The following SVIL variants were observed in gnomAD, a reference collection of about 807,000 sequenced individuals.
SVIL encodes supervillin.
A neutral mutation model predicts 240.4 loss-of-function variants in SVIL; 101 were observed. The ratio of observed to expected loss-of-function variants is 0.42; its 90% CI spans 0.36 to 0.50. The LOEUF (loss-of-function observed/expected upper bound fraction) is 0.50, where lower values mean the gene tolerates loss of function less well. SVIL is among the 20% of genes least tolerant of loss of function. The pLI is 0.01. For synonymous variants in SVIL, 999 were observed against 1,100.0 expected, an observed-to-expected ratio of 0.91 and a Z score of 1.82; for missense variants, 2,512 against 2,818.7, an observed-to-expected ratio of 0.89 and a Z score of 2.46.
At chr10:29,699,184 C>T (rs1188308704) in intron 1 of SVIL, among the ~76,000 whole-genome samples, 1 of 152,116 alleles carries the variant, frequency 6.6e-6, no homozygotes, top group East Asian at 1.9e-4. Flanking sequence ...GGCTAGAATG[C>T]AGTGTGTGAT....
chr10:29,483,315 C>A lies in SVIL; in HGVS notation c.4955+1341G>T, dbSNP rs145656684. On this transcript the variant is annotated intron_variant, in intron 27 of 37. Transcript: ENST00000355867. ...CCAGGAGCCAGGGGTTTCTCTACCC[C>A]CTTCCCTGACTTACAGCTGGAACTG... 2.0e-5 allele frequency: 3 copies of A among 152,162 alleles called. No individual in the cohort carries two copies. The South Asian group carries it at 6.2e-4, about 32-fold the overall frequency. 9.4% of individuals were successfully genotyped at this position (152,162 alleles called of 1,614,324 possible).
intron 27 of SVIL, among the ~76,000 whole-genome samples, chr10:29,482,678 T>C (rs1037106427): frequency 2.0e-5 from 3 of 152,248 alleles, no homozygotes; most frequent in African/African-American, 7.2e-5. Context: ...GAAAACGGCA[T>C]AGCTCCACCC....
intron 1 of SVIL, among the ~76,000 whole-genome samples, chr10:29,579,503 G>C (rs1472687264): frequency 6.6e-6 from 1 of 152,162 alleles, no homozygotes; most frequent in Admixed American, 6.6e-5. Flanking sequence ...GATTCCTGCA[G>C]TCCAACTATT....
intron 1 of SVIL, among the ~76,000 whole-genome samples, chr10:29,587,891 C>T (rs116562440): frequency 0.019 from 2,893 of 152,172 alleles, 79 homozygotes; most frequent in African/African-American, 0.066. Flanking sequence ...GCTAAGGAGG[C>T]GGAGTTGTTG....
chr10:29,479,114 T>A (rs1946544111), intron 29 of SVIL, among the ~76,000 whole-genome samples: 1 of 152,016 alleles, frequency 6.6e-6, no homozygotes, highest in African/African-American at 2.4e-5. Context: ...CAACCTCAAG[T>A]CGCCTTGCTG....
intron 35 of SVIL, among the ~76,000 whole-genome samples, chr10:29,463,267 A>G (rs560690036): frequency 2.6e-5 from 4 of 152,222 alleles, no homozygotes; most frequent in East Asian, 1.9e-4. Context: ...TATCAGAGAG[A>G]AAAACTAGTT....
intron 13 of SVIL, among the ~76,000 whole-genome samples, chr10:29,526,299 C>CTT (rs1950902465): frequency 7.3e-6 from 1 of 136,778 alleles, no homozygotes; most frequent in Non-Finnish European, 1.6e-5. Flanking sequence ...TTCTTTTTTT[C>CTT]TCTTTCTTTT....
intron 29 of SVIL, among the ~76,000 whole-genome samples, chr10:29,477,170 C>T (rs1185699603): frequency 6.6e-6 from 1 of 152,192 alleles, no homozygotes; most frequent in Non-Finnish European, 1.5e-5. Context: ...GCCAGCTATT[C>T]TCTTTACAAC....
At chr10:29,491,461 C>T (rs1023488942) in intron 21 of SVIL, among the ~76,000 whole-genome samples, 2 of 152,204 alleles carry the variant, frequency 1.3e-5, no homozygotes, top group African/African-American at 4.8e-5. Flanking sequence ...TAATCCTCTT[C>T]GCTCGGCCTA....
chr10:29,676,478 C>T (rs1379549229), intron 2 of SVIL, among the ~76,000 whole-genome samples: 1 of 152,172 alleles, frequency 6.6e-6, no homozygotes, highest in Non-Finnish European at 1.5e-5. Flanking sequence ...CAGCTTACCC[C>T]CAATGCAGAG....
In SVIL at chr10:29,488,720, G is replaced by A. The variant is rs750828170; in HGVS notation, c.4229C>T (p.Ala1410Val). ...SNSNFSEVTLAGLASKENFSN... is the reference protein window; with the variant it reads ...SNSNFSEVTLVGLASKENFSN... Reference sequence around the variant, plus strand: ...GAAGTTTTCTTTACTGGCTAAACCCGCCAGGGTGACTTCTGAGAAGTTGGA... The same window carrying A: ...GAAGTTTTCTTTACTGGCTAAACCCACCAGGGTGACTTCTGAGAAGTTGGA... Residue 1410 changes from alanine (A) to valine (V), a missense_variant, in exon 23 of 38, where the codon GCG becomes GTG. Ala to Val is a moderately conservative substitution (Grantham distance 64). Coordinates refer to ENST00000355867, the MANE Select transcript of SVIL (RefSeq NM_021738.3). 9.9e-6 allele frequency: 16 copies of A among 1,612,410 alleles called. No homozygotes were observed. The highest frequency in any genetic ancestry group is 1.7e-5 in the Admixed American group (1 of 59,666).
chr10:29,575,576 G>A (rs11813717), intron 1 of SVIL, among the ~76,000 whole-genome samples: 8,789 of 152,156 alleles, frequency 0.058, 728 homozygotes, highest in African/African-American at 0.18. Context: ...ATTTTCTTGG[G>A]TATTTGGCAC....
chr10:29,632,161 C>A lies in SVIL; in HGVS notation c.-201+2259G>T, dbSNP rs568900887. ...GACATCCTTATAAAAATCCCAAGGG[C>A]CCTTTCCTTTGGATGCAATTCCTCA... On this transcript the variant is annotated intron_variant, in intron 1 of 37. Coordinates refer to ENST00000355867, the MANE Select transcript of SVIL (RefSeq NM_021738.3). Among the ~76,000 whole-genome samples, 10 of 152,258 alleles carry A rather than the reference C, an allele frequency of 6.6e-5. No individual in the cohort carries two copies. In the East Asian group the frequency reaches 1.9e-3, roughly 29 times the overall value.
chr10:29,718,655 G>C (rs1356471973), intron 1 of SVIL, among the ~76,000 whole-genome samples: 1 of 151,906 alleles, frequency 6.6e-6, no homozygotes, highest in Admixed American at 6.5e-5. Flanking sequence ...TACCAAATAG[G>C]AGAGAACTAC....
intron 1 of SVIL, among the ~76,000 whole-genome samples, chr10:29,633,019 G>C (rs1247830702): frequency 6.6e-6 from 1 of 152,092 alleles, no homozygotes; most frequent in Non-Finnish European, 1.5e-5. Context: ...GGATCACGAG[G>C]TCAGGAGTTC....
At chr10:29,730,422 T>C (rs933484954) in intron 1 of SVIL, among the ~76,000 whole-genome samples, 2 of 152,172 alleles carry the variant, frequency 1.3e-5, no homozygotes, top group Non-Finnish European at 2.9e-5. Context: ...ATCTTAGTTC[T>C]AATCTTAGCG....
chr10:29,461,529 C>T (rs548385968), intron 36 of SVIL, among the ~76,000 whole-genome samples: 1 of 152,260 alleles, frequency 6.6e-6, no homozygotes, highest in South Asian at 2.1e-4. Flanking sequence ...CCAAGCAAAG[C>T]AGCTCTCACA....
intron 29 of SVIL, among the ~76,000 whole-genome samples, chr10:29,474,611 AAAT>A (rs1945977935): frequency 8.2e-6 from 1 of 122,062 alleles, no homozygotes; most frequent in African/African-American, 2.7e-5. Context: ...ATAAATAAAT[AAAT>A]AAATAAATAA....
At chr10:29,610,149 T>G (rs1159113050) in intron 1 of SVIL, among the ~76,000 whole-genome samples, 1 of 152,156 alleles carries the variant, frequency 6.6e-6, no homozygotes, top group Non-Finnish European at 1.5e-5. Context: ...ATTTTATCTC[T>G]GAGTTCTTGC....
Sources: gnomAD v4.1 joint callset for allele counts (sites outside exome capture counted in the v4.1 genomes callset) on GRCh38, gnomAD v4.1.1 for gene constraint, MANE v1.5 for transcripts, NCBI Gene and HGNC (gene_info 2026-07-23, HGNC 2026-07-21) for gene names.